TRDN: variants seen among roughly 807,000 people sequenced by gnomAD.
TRDN encodes the protein triadin, also known as triadin in skeletal muscle.
TRDN carries 161 observed loss-of-function variants against 149.7 expected under a neutral mutation model. The ratio of observed to expected loss-of-function variants is 1.08; its 90% confidence interval spans 0.95 to 1.23. TRDN has a LOEUF of 1.23. Ranked by LOEUF, TRDN falls within the 50% of genes most tolerant of loss-of-function variation. TRDN has a pLI of 0.00. For missense variants in TRDN, 896 were observed against 823.5 expected (o/e 1.09, Z -1.08); for synonymous variants, 294 against 250.5 (o/e 1.17, Z -1.64).
chr6:123,398,610 T>G (rs927148893), intron 12 of TRDN, among the ~76,000 whole-genome samples: 5 of 152,328 alleles, frequency 3.3e-5, no homozygotes, highest in Non-Finnish European at 7.4e-5. Flanking sequence ...AGGTTAACAT[T>G]TAAGCTAAAA....
intron 24 of TRDN, among the ~76,000 whole-genome samples, chr6:123,313,293 C>T (rs1447239782): frequency 1.3e-5 from 2 of 151,914 alleles, no homozygotes; most frequent in Non-Finnish European, 2.9e-5. Flanking sequence ...GTCATTTCAG[C>T]CATCTCAGAC....
chr6:123,610,633 T>G (rs1176615295), intron 1 of TRDN, among the ~76,000 whole-genome samples: 1 of 152,308 alleles, frequency 6.6e-6, no homozygotes, highest in African/African-American at 2.4e-5. Context: ...ATATCCATGC[T>G]ATGAGAGCCT....
At chr6:123,296,670 C>T (rs952166192) in intron 24 of TRDN, among the ~76,000 whole-genome samples, 3 of 74,880 alleles carry the variant, frequency 4.0e-5, no homozygotes, top group African/African-American at 1.3e-4. Context: ...GAGGTATTCT[C>T]ATATAAGGCA....
At chr6:123,478,293 A>T (rs1421335087) in intron 9 of TRDN, among the ~76,000 whole-genome samples, 1 of 152,162 alleles carries the variant, frequency 6.6e-6, no homozygotes, top group African/African-American at 2.4e-5. Context: ...GTTTAACCTT[A>T]GTTAGACGTT....
At chr6:123,331,973 G>T (rs1779675891) in intron 22 of TRDN, 44 bp from the exon 23 acceptor site, 6 of 1,411,568 alleles carry the variant, frequency 4.3e-6, no homozygotes, top group Non-Finnish European at 5.8e-6. Context: ...AAGACAAAGA[G>T]ATTTTCAGAT....
chr6:123,593,278 A>G (rs764073750), intron 1 of TRDN, among the ~76,000 whole-genome samples: 1 of 152,216 alleles, frequency 6.6e-6, no homozygotes, highest in African/African-American at 2.4e-5. Flanking sequence ...TGACTTTCTG[A>G]GAAATATTCC....
At chr6:123,322,437 C>T (rs747662737) in intron 23 of TRDN, among the ~76,000 whole-genome samples, 2 of 151,986 alleles carry the variant, frequency 1.3e-5, no homozygotes, top group Non-Finnish European at 2.9e-5. Flanking sequence ...TTATAATTAT[C>T]TCAGGAATTT....
At chr6:123,577,356 T>C (rs1381263032) in intron 1 of TRDN, among the ~76,000 whole-genome samples, 1 of 152,102 alleles carries the variant, frequency 6.6e-6, no homozygotes, top group African/African-American at 2.4e-5. Flanking sequence ...CATTCATGAG[T>C]TGTCATCATT....
At chr6:123,467,881 TAGG>T (rs1776928524) in intron 9 of TRDN, among the ~76,000 whole-genome samples, 2 of 152,152 alleles carry the variant, frequency 1.3e-5, no homozygotes, top group African/African-American at 4.8e-5. Flanking sequence ...ACTGCATGCT[TAGG>T]AGTCACATGG....
intron 19 of TRDN, among the ~76,000 whole-genome samples, chr6:123,369,338 C>T (rs142108957): frequency 4.6e-5 from 7 of 152,100 alleles, no homozygotes; most frequent in South Asian, 2.1e-4. Flanking sequence ...ATTTCAAAAT[C>T]GGTCACATTC....
chr6:123,317,631 A>G (rs1779075121), intron 23 of TRDN, among the ~76,000 whole-genome samples: 1 of 151,800 alleles, frequency 6.6e-6, no homozygotes, highest in African/African-American at 2.4e-5. Context: ...TGGTAGATAC[A>G]CCCTATTTTA....
rs866376737 is a variant in TRDN at position 123,507,317 on chromosome 6, C to A, written c.611-3416G>T. Among the ~76,000 whole-genome samples, 6 of 152,052 alleles carry A rather than the reference C, an allele frequency of 3.9e-5. No individual in the cohort carries two copies. In the East Asian group the frequency reaches 9.7e-4, roughly 25 times the overall value. On this transcript the variant is annotated intron_variant, in intron 7 of 40. Coordinates refer to ENST00000334268, the MANE Select transcript of TRDN (RefSeq NM_006073.4). Reference sequence around the variant, plus strand: ...GTGAAATTCAGATTTCTTTTTAATGCCATTATAATTTATAAGTGGGCAATG... The same window carrying A: ...GTGAAATTCAGATTTCTTTTTAATGACATTATAATTTATAAGTGGGCAATG...
Position 123,568,177 on chromosome 6 carries a change from T to C in TRDN, c.232+2746A>G, listed in dbSNP as rs1253802585. ...TTAAGGTTCCAAAATAATCTTTCAC[T>C]CTGTGTCCCATAACCTGGGAACACT... On this transcript the variant is annotated intron_variant, in intron 2 of 40. Coordinates refer to ENST00000334268, the MANE Select transcript of TRDN (RefSeq NM_006073.4). Among the ~76,000 whole-genome samples the C allele has an allele frequency of 3.3e-5, 5 of 152,258 alleles. No homozygotes were observed. The East Asian group carries it at 9.7e-4, about 29-fold the overall frequency.
intron 9 of TRDN, among the ~76,000 whole-genome samples, chr6:123,490,204 G>A (rs748688279): frequency 3.9e-5 from 6 of 152,130 alleles, no homozygotes; most frequent in Non-Finnish European, 7.4e-5. Flanking sequence ...ATATACTATA[G>A]TAGTTCCCTC....
intron 40 of TRDN, 84 bp downstream of exon 40, chr6:123,221,403 C>T: frequency 2.9e-6 from 3 of 1,024,122 alleles, no homozygotes; most frequent in Non-Finnish European, 4.2e-6. Context: ...GAATACTGGT[C>T]TTAAGAGAGT....
At chr6:123,610,116 C>A (rs796303493) in intron 1 of TRDN, among the ~76,000 whole-genome samples, 73 of 152,330 alleles carry the variant, frequency 4.8e-4, no homozygotes, top group African/African-American at 1.7e-3. Flanking sequence ...GGAATGATTT[C>A]TTGCATGCAA....
intron 1 of TRDN, among the ~76,000 whole-genome samples, chr6:123,574,515 TG>T (rs1273283930): frequency 6.6e-6 from 1 of 151,906 alleles, no homozygotes; most frequent in African/African-American, 2.4e-5. Flanking sequence ...GGGCTACAAG[TG>T]AATCAAACCT....
At chr6:123,585,704 G>A (rs1383271450) in intron 1 of TRDN, among the ~76,000 whole-genome samples, 3 of 152,042 alleles carry the variant, frequency 2.0e-5, no homozygotes, top group South Asian at 2.1e-4. Context: ...GAGGAATCCT[G>A]GGCTGCAGGC....
At chr6:123,530,476 T>A (rs1167612180) in intron 5 of TRDN, 30 bp downstream of exon 5, 26 of 1,174,264 alleles carry the variant, frequency 2.2e-5, no homozygotes, top group Non-Finnish European at 2.3e-6. Flanking sequence ...TATATCTAAA[T>A]GAAGAATAAA....
Sources: allele counts gnomAD v4.1 joint callset (sites outside exome capture counted in the v4.1 genomes callset), GRCh38; gene constraint gnomAD v4.1.1; transcripts MANE v1.5; gene names NCBI Gene and HGNC (gene_info 2026-07-23, HGNC 2026-07-21).